Variants in ABLIM1 observed in about 807,000 individuals in gnomAD.
ABLIM1 encodes actin binding LIM protein 1.
Under a neutral mutation model 107.0 loss-of-function variants are expected in ABLIM1, and 40 were observed. The ratio of observed to expected loss-of-function variants is 0.37; its 90% CI spans 0.29 to 0.49. The LOEUF (loss-of-function observed/expected upper bound fraction) is 0.49. Ranked by LOEUF, ABLIM1 falls within the 20% of genes least tolerant of loss-of-function variation. The pLI, the probability that ABLIM1 is intolerant of heterozygous loss-of-function variation, is 0.97. For missense variants in ABLIM1, 857 were observed against 1,008.5 expected (o/e 0.85, Z 2.04); for synonymous variants, 357 against 357.3 (o/e 1.00, Z 0.01).
chr10:114,469,807 A>G (rs978304926), intron 10 of ABLIM1, among the ~76,000 whole-genome samples: 2 of 152,246 alleles, frequency 1.3e-5, no homozygotes, highest in African/African-American at 4.8e-5. Flanking sequence ...TAAAATGTTT[A>G]CAATTAAAAT....
At chr10:114,583,161 A>C (rs1206583434) in intron 2 of ABLIM1, among the ~76,000 whole-genome samples, 1 of 151,754 alleles carries the variant, frequency 6.6e-6, no homozygotes, top group African/African-American at 2.4e-5. Context: ...TAATTCTACA[A>C]GCAAAAAACA....
Position 114,571,377 on chromosome 10 carries a change from G to A in ABLIM1, c.593C>T (p.Thr198Ile), listed in dbSNP as rs546163479. The A allele has an allele frequency of 1.5e-5, 24 of 1,614,206 alleles. No individual in the cohort carries two copies. The East Asian group carries it at 5.1e-4, about 34-fold the overall frequency. Residue 198 changes from threonine (T) to isoleucine (I), a missense_variant, in exon 4 of 23, where the codon ACA (threonine) becomes ATA (isoleucine). Coordinates refer to ENST00000533213, the MANE Select transcript of ABLIM1 (RefSeq NM_002313.7). ...KRPFPPGDRV[T>I]FNGRDCLCQL... is the part of the protein sequence containing the mutation. ...ACAAAGGCAGTCTCTCCCATTGAAT[G>A]TGACTCGGTCTCCGGGTGGAAACGG...
chr10:114,440,450 CTTTT>C lies in ABLIM1; in HGVS notation c.2060-365_2060-362del, dbSNP rs76464426. On this transcript the variant is annotated intron_variant, in intron 19 of 22. Coordinates refer to ENST00000533213, the MANE Select transcript of ABLIM1 (RefSeq NM_002313.7). ...TCACTTATTGTTGTACCTCCAGTTA[CTTTT>C]TTTTTTTTTAAGAGACAGTCTTGCT... 7.9e-4 allele frequency among the ~76,000 whole-genome samples: 116 copies of C among 146,486 alleles called. 1 individual carries two copies. The highest frequency in any genetic ancestry group is 1.3e-3 in the Non-Finnish European group (85 of 66,230).
chr10:114,697,638 A>G (rs1242092599), intron 1 of ABLIM1, among the ~76,000 whole-genome samples: 1 of 152,252 alleles, frequency 6.6e-6, no homozygotes, highest in Non-Finnish European at 1.5e-5. Context: ...CCAAATCATG[A>G]CACAATAGAA....
intron 1 of ABLIM1, among the ~76,000 whole-genome samples, chr10:114,748,168 T>C (rs2082425073): frequency 6.6e-6 from 1 of 152,206 alleles, no homozygotes; most frequent in Admixed American, 6.5e-5. Context: ...CTTTTTTTTT[T>C]CCTTGCTGTC....
chr10:114,488,128 T>C, intron 7 of ABLIM1, 112 bp from the exon 8 acceptor site: 1 of 1,143,310 alleles, frequency 8.7e-7, no homozygotes, highest in Non-Finnish European at 1.3e-6. Flanking sequence ...CATAGGAAGG[T>C]GTTATTGCTT....
At chr10:114,586,744 C>T (rs557023682) in intron 2 of ABLIM1, among the ~76,000 whole-genome samples, 7 of 152,328 alleles carry the variant, frequency 4.6e-5, no homozygotes, top group African/African-American at 1.7e-4. Context: ...CACACTCATC[C>T]TTGCGGATAT....
chr10:114,436,555 G>GCC (rs1366954706), intron 22 of ABLIM1, among the ~76,000 whole-genome samples, 182 bp from the exon 23 acceptor site: 1 of 152,160 alleles, frequency 6.6e-6, no homozygotes, highest in African/African-American at 2.4e-5. Context: ...CAGGTGAGGA[G>GCC]CCCTTCCCAT....
intron 1 of ABLIM1, among the ~76,000 whole-genome samples, chr10:114,602,512 A>G (rs1414032826): frequency 6.6e-6 from 1 of 152,232 alleles, no homozygotes. Context: ...AACAGTTTCT[A>G]GCCTGCTTTA....
chr10:114,445,237 A>G (rs927095886), intron 16 of ABLIM1, 75 bp downstream of exon 16: 3 of 1,343,798 alleles, frequency 2.2e-6, no homozygotes, highest in Admixed American at 3.4e-5. Flanking sequence ...TGGTTTATAC[A>G]TAGTAGTCAT....
chr10:114,514,079 C>G (rs1252244279), intron 6 of ABLIM1, among the ~76,000 whole-genome samples: 7 of 152,160 alleles, frequency 4.6e-5, no homozygotes, highest in African/African-American at 1.4e-4. Flanking sequence ...TCACCTAAGA[C>G]TCACAGAATA....
At chr10:114,696,901 G>A (rs2081205733) in intron 1 of ABLIM1, among the ~76,000 whole-genome samples, 1 of 152,128 alleles carries the variant, frequency 6.6e-6, no homozygotes, top group Non-Finnish European at 1.5e-5. Context: ...CACATCCTGA[G>A]ATACTGGGAG....
At chr10:114,506,755 C>G (rs1049536305) in intron 6 of ABLIM1, among the ~76,000 whole-genome samples, 1 of 152,162 alleles carries the variant, frequency 6.6e-6, no homozygotes, top group African/African-American at 2.4e-5. Context: ...GCCAGATATA[C>G]AATTTGTGAA....
intron 7 of ABLIM1, among the ~76,000 whole-genome samples, 168 bp from the exon 8 acceptor site, chr10:114,488,184 C>T (rs74433854): frequency 0.025 from 3,805 of 152,044 alleles, 144 homozygotes; most frequent in African/African-American, 0.084. Flanking sequence ...TGTCCAAAGC[C>T]TAAGTGAGTT....
At chr10:114,568,791 A>T (rs571641881) in intron 4 of ABLIM1, among the ~76,000 whole-genome samples, 1 of 152,366 alleles carries the variant, frequency 6.6e-6, no homozygotes, top group East Asian at 1.9e-4. Context: ...TTTGCACATA[A>T]GCAATGATGG....
At chr10:114,452,697 G>A (rs2062087666) in intron 13 of ABLIM1, among the ~76,000 whole-genome samples, 1 of 152,156 alleles carries the variant, frequency 6.6e-6, no homozygotes, top group South Asian at 2.1e-4. Context: ...CTTACAAAGT[G>A]AGCTGATTCT....
intron 1 of ABLIM1, among the ~76,000 whole-genome samples, chr10:114,702,977 A>G (rs1410533048): frequency 6.6e-6 from 1 of 152,236 alleles, no homozygotes; most frequent in Non-Finnish European, 1.5e-5. Context: ...TAGAAAGTAT[A>G]TTAGAAACCA....
Position 114,491,981 on chromosome 10 carries a change from A to G in ABLIM1, c.895-103T>C. On this transcript the variant is annotated intron_variant, in intron 6 of 22. Transcript: ENST00000533213. Reference sequence around the variant, plus strand: ...AGAAGAAAAGAGAGGATGCTGAAAAAGGAAAAATAATTGTCTAATTGACCA... The same window carrying G: ...AGAAGAAAAGAGAGGATGCTGAAAAGGGAAAAATAATTGTCTAATTGACCA... 5.1e-6 allele frequency: 5 copies of G among 985,022 alleles called. No individual in the cohort carries two copies. In the South Asian group the frequency reaches 5.5e-5, roughly 11 times the overall value. The allele number at this position is 985,022 out of a possible 1,614,324, so 61.0% of individuals were successfully genotyped here.
At chr10:114,759,214 G>A (rs1056234253) in intron 1 of ABLIM1, among the ~76,000 whole-genome samples, 1 of 152,150 alleles carries the variant, frequency 6.6e-6, no homozygotes, top group Non-Finnish European at 1.5e-5. Flanking sequence ...CCTTATAGTG[G>A]TAAATGCAAA....
Sources: allele counts gnomAD v4.1 joint callset (sites outside exome capture counted in the v4.1 genomes callset), GRCh38; gene constraint gnomAD v4.1.1; transcripts MANE v1.5; gene names NCBI Gene and HGNC (gene_info 2026-07-23, HGNC 2026-07-21).